DYNC2LI1: variants seen among roughly 807,000 people sequenced by gnomAD.
DYNC2LI1 encodes the protein dynein cytoplasmic 2 light intermediate chain 1.
Under a neutral mutation model 51.9 loss-of-function variants are expected in DYNC2LI1, and 45 were observed. That is an observed-to-expected ratio of 0.87 (90% confidence interval 0.68 to 1.11). The LOEUF is 1.11. Among genes scored for constraint, DYNC2LI1 ranks in the 50% most tolerant of loss-of-function variants. The probability of loss-of-function intolerance (pLI) is 0.00; values close to 1 mark genes in which losing one functional copy is unlikely to be tolerated. For synonymous variants in DYNC2LI1, 130 were observed against 137.8 expected (o/e 0.94, Z 0.40); for missense variants, 490 against 417.4 (o/e 1.17, Z -1.51).
chr2:43,775,980 C>G (rs1673000602), intron 1 of DYNC2LI1, among the ~76,000 whole-genome samples: 1 of 147,664 alleles, frequency 6.8e-6, no homozygotes, highest in Non-Finnish European at 1.5e-5. Context: ...GCTGGGATTA[C>G]AGGTGTGAAC....
Position 43,809,795 on chromosome 2 carries a change from T to A in DYNC2LI1, c.*28T>A. 3 of 1,585,376 alleles carry A rather than the reference T, an allele frequency of 1.9e-6. No individual in the cohort carries two copies. Among genetic ancestry groups the A allele is most frequent in the Non-Finnish European group, 2.6e-6 (3 of 1,166,200 alleles). Reference sequence around the variant, plus strand: ...CTATTTCAATTATTGTATATTTATTTCTTCTTTTCCAAATACAAATAAGAT... The same window carrying A: ...CTATTTCAATTATTGTATATTTATTACTTCTTTTCCAAATACAAATAAGAT... On this transcript the variant is annotated 3_prime_UTR_variant, in exon 13 of 13. Coordinates refer to ENST00000260605, the MANE Select transcript of DYNC2LI1 (RefSeq NM_016008.4).
At chr2:43,809,650 C>A in intron 12 of DYNC2LI1, 55 bp from the exon 13 acceptor site, 1 of 1,296,848 alleles carries the variant, frequency 7.7e-7, no homozygotes, top group Admixed American at 1.9e-5. Context: ...TTTAAGGTGC[C>A]TCCTTGAATT....
chr2:43,787,206 G>C lies in DYNC2LI1; in HGVS notation c.187G>C (p.Ala63Pro), dbSNP rs374145678. 1.2e-6 allele frequency: 2 copies of C among 1,613,242 alleles called. No individual in the cohort carries two copies. The highest frequency in any genetic ancestry group is 2.7e-5 in the African/African-American group (2 of 74,920). The change falls in exon 4 of 13, where the codon GCT becomes CCT. Residue 63 changes from alanine to proline, a missense_variant. Physicochemically the swap from Ala to Pro is conservative, Grantham distance 27. Coordinates refer to ENST00000260605, the MANE Select transcript of DYNC2LI1 (RefSeq NM_016008.4). ...DRDEPPKPTL[A>P]LEYTYGRRAK... ...AGATGAACCACCAAAACCAACCTTA[G>C]CTTTGGAATATACATATGGAAGAAG...
Position 43,794,480 on chromosome 2 carries a change from T to A in DYNC2LI1, c.344T>A (p.Leu115Gln). ...TLRTFSLVLV[L>Q]DLSKPNDLWP... is the part of the protein sequence containing the mutation. ...AGGACGTTTTCTCTTGTTCTCGTTC[T>A]GGATCTTTCAAAACCTAATGATCTC... The change falls in exon 6 of 13, where the codon CTG (leucine) becomes CAG (glutamine). Residue 115 changes from leucine (L) to glutamine (Q), a missense_variant. Coordinates refer to ENST00000260605, the MANE Select transcript of DYNC2LI1 (RefSeq NM_016008.4). 6.2e-7 allele frequency: 1 copy of A among 1,613,382 alleles called. No individual in the cohort carries two copies. The highest frequency in any genetic ancestry group is 8.5e-7 in the Non-Finnish European group (1 of 1,179,698).
At chr2:43,795,763 T>C (rs1387744113) in intron 6 of DYNC2LI1, 127 bp from the exon 7 acceptor site, 7 of 709,076 alleles carry the variant, frequency 9.9e-6, no homozygotes, top group Non-Finnish European at 1.7e-5. Flanking sequence ...ACAAATTCTA[T>C]GTCAAGCAAA....
At chr2:43,798,848 C>T (rs1665979347) in intron 8 of DYNC2LI1, among the ~76,000 whole-genome samples, 1 of 152,082 alleles carries the variant, frequency 6.6e-6, no homozygotes, top group African/African-American at 2.4e-5. Flanking sequence ...CACATCTCTT[C>T]TTACCCTCTG....
chr2:43,790,140 T>C (rs1176860666), intron 5 of DYNC2LI1, among the ~76,000 whole-genome samples: 9 of 152,206 alleles, frequency 5.9e-5, no homozygotes, highest in African/African-American at 1.7e-4. Context: ...CTAATTAATA[T>C]TCTTGAAGCT....
chr2:43,777,560 G>A (rs1673080053), intron 2 of DYNC2LI1, among the ~76,000 whole-genome samples: 1 of 152,262 alleles, frequency 6.6e-6, no homozygotes, highest in Non-Finnish European at 1.5e-5. Flanking sequence ...GATGCAAGAT[G>A]CTGAAATTCA....
the DYNC2LI1 span, chr2:43,823,931 G>A: frequency 1.2e-6 from 2 of 1,614,194 alleles, no homozygotes. Context: ...ACAGCGTTCA[G>A]CATGCCTGTG....
At chr2:43,822,423 CTGAA>C in the DYNC2LI1 span, 2 of 747,046 alleles carry the variant, frequency 2.7e-6, no homozygotes, top group Non-Finnish European at 3.3e-6. Context: ...TTCCCACCCT[CTGAA>C]TGTGTCTGTT....
At chr2:43,820,156 T>C in the DYNC2LI1 span, 1 of 1,556,016 alleles carries the variant, frequency 6.4e-7, no homozygotes, top group South Asian at 1.2e-5. Flanking sequence ...TTAAGAAAAA[T>C]ACTGCACTTG....
At chr2:43,790,950 C>G (rs996546605) in intron 5 of DYNC2LI1, among the ~76,000 whole-genome samples, 1 of 152,144 alleles carries the variant, frequency 6.6e-6, no homozygotes, top group Non-Finnish European at 1.5e-5. Context: ...TGCGGTGGCT[C>G]AGGCCTGTAA....
Position 43,789,748 on chromosome 2 carries a change from TG to T in DYNC2LI1, c.320+28del, listed in dbSNP as rs761417614. 1.1e-5 allele frequency: 17 copies of T among 1,597,244 alleles called. 1 individual carries two copies. In the South Asian group the frequency reaches 1.9e-4, roughly 18 times the overall value. The stretch of plus-strand genomic sequence containing the variant: ...TAAGTGAGCCAGCTCCAGGAAAACC[TG>T]TAAGTACACAGGAGTGTCCCTAGGA... On this transcript the variant is annotated intron_variant, in intron 5 of 12. Coordinates refer to ENST00000260605, the MANE Select transcript of DYNC2LI1 (RefSeq NM_016008.4).
chr2:43,822,486 C>CCCCCCAG, the DYNC2LI1 span: 1 of 932,964 alleles, frequency 1.1e-6, no homozygotes, highest in Non-Finnish European at 1.3e-6. Context: ...AGGCCCCCCC[C>CCCCCCAG]CATGCACCTG....
chr2:43,775,989 A>G (rs1449941794), intron 1 of DYNC2LI1, among the ~76,000 whole-genome samples: 1 of 149,582 alleles, frequency 6.7e-6, no homozygotes, highest in Non-Finnish European at 1.5e-5. Flanking sequence ...ACAGGTGTGA[A>G]CCACCACTCC....
the DYNC2LI1 span, among the ~76,000 whole-genome samples, chr2:43,826,935 C>G: frequency 6.6e-6 from 1 of 152,134 alleles, no homozygotes; most frequent in Non-Finnish European, 1.5e-5. Context: ...GGTCTTTGCA[C>G]AGAAAAGAAA....
chr2:43,804,402 G>C (rs1666171432), intron 10 of DYNC2LI1, among the ~76,000 whole-genome samples: 2 of 152,136 alleles, frequency 1.3e-5, no homozygotes, highest in Admixed American at 1.3e-4. Context: ...ATAGGTATAG[G>C]GTGTGGAGAA....
intron 12 of DYNC2LI1, among the ~76,000 whole-genome samples, chr2:43,808,666 GC>G (rs1227894424): frequency 1.3e-5 from 2 of 152,172 alleles, no homozygotes; most frequent in Non-Finnish European, 2.9e-5. Context: ...AAATTCAAGA[GC>G]TATAGATAGA....
At chr2:43,823,112 G>C in the DYNC2LI1 span, among the ~76,000 whole-genome samples, 1 of 152,130 alleles carries the variant, frequency 6.6e-6, no homozygotes, top group Non-Finnish European at 1.5e-5. Context: ...CCCCACCCCG[G>C]AAATCTACAC....
Sources: allele counts gnomAD v4.1 joint callset (sites outside exome capture counted in the v4.1 genomes callset), GRCh38; gene constraint gnomAD v4.1.1; transcripts MANE v1.5; gene names NCBI Gene and HGNC (gene_info 2026-07-23, HGNC 2026-07-21).